Variants in NSFL1C observed in about 807,000 individuals in gnomAD.
NSFL1C encodes NSFL1 cofactor.
NSFL1C carries 14 observed loss-of-function variants against 43.1 expected under a neutral mutation model. The observed-to-expected ratio is 0.32, with a 90% CI of 0.21 to 0.51. The LOEUF is 0.51. Among genes scored for constraint, NSFL1C ranks in the 20% least tolerant of loss-of-function variants. The pLI is 0.98. For missense variants in NSFL1C, 406 were observed against 472.5 expected (o/e 0.86, Z 1.30); for synonymous variants, 171 against 183.5 (o/e 0.93, Z 0.55).
intron 3 of NSFL1C, chr20:1,457,879 A>G: frequency 3.9e-6 from 1 of 257,078 alleles, no homozygotes. Context: ...GAGCACCGCA[A>G]TGAGCACGGG....
At chr20:1,455,710 C>A (rs765938109) in intron 3 of NSFL1C, 7 of 779,702 alleles carry the variant, frequency 9.0e-6, no homozygotes, top group Non-Finnish European at 1.7e-5. Flanking sequence ...CATGCCCTAC[C>A]TACCTGCTCC....
intron 7 of NSFL1C, among the ~76,000 whole-genome samples, chr20:1,447,428 T>C (rs969249435): frequency 6.0e-5 from 9 of 151,186 alleles, no homozygotes; most frequent in African/African-American, 2.2e-4. Flanking sequence ...GTTATGAGTT[T>C]TTTTTTTTTT....
At chr20:1,443,990 G>C in intron 8 of NSFL1C, 79 bp from the exon 9 acceptor site, 4 of 1,423,416 alleles carry the variant, frequency 2.8e-6, no homozygotes, top group Non-Finnish European at 3.8e-6. Context: ...TAAACACCTC[G>C]CAAATCCCCT....
intron 4 of NSFL1C, among the ~76,000 whole-genome samples, chr20:1,454,527 T>C (rs942803556): frequency 6.6e-6 from 1 of 152,220 alleles, no homozygotes; most frequent in Non-Finnish European, 1.5e-5. Flanking sequence ...GGTTAAGAGC[T>C]GGAAGGGGCA....
intron 3 of NSFL1C, among the ~76,000 whole-genome samples, chr20:1,457,597 T>C (rs976612592): frequency 2.0e-5 from 3 of 152,230 alleles, no homozygotes; most frequent in Non-Finnish European, 4.4e-5. Context: ...ATCTCCCCAT[T>C]ATGCCCTCAC....
chr20:1,443,940 T>G, intron 8 of NSFL1C, 29 bp from the exon 9 acceptor site: 11 of 1,594,974 alleles, frequency 6.9e-6, no homozygotes, highest in Non-Finnish European at 9.4e-6. Flanking sequence ...CGGTGAGCAG[T>G]GCCATCCTCT....
chr20:1,448,304 C>T (rs1202705383), intron 7 of NSFL1C, among the ~76,000 whole-genome samples: 1 of 152,208 alleles, frequency 6.6e-6, no homozygotes, highest in Non-Finnish European at 1.5e-5. Flanking sequence ...TCTGCTCTGC[C>T]TCTAAACAGA....
At chr20:1,445,858 C>T in intron 7 of NSFL1C, 28 bp from the exon 8 acceptor site, 3 of 1,608,558 alleles carry the variant, frequency 1.9e-6, no homozygotes, top group Non-Finnish European at 2.5e-6. Context: ...CATCAGAACA[C>T]AAGCAGAAAC....
At chr20:1,466,680 G>T in intron 1 of NSFL1C, 40 bp downstream of exon 1, 1 of 1,516,632 alleles carries the variant, frequency 6.6e-7, no homozygotes, top group Non-Finnish European at 8.8e-7. Context: ...GCTCCCAGCA[G>T]TCCCCGGCCC....
At chr20:1,456,178 A>G in intron 3 of NSFL1C, 1 of 182,434 alleles carries the variant, frequency 5.5e-6, no homozygotes, top group Non-Finnish European at 1.2e-5. Context: ...CGACAAGGAC[A>G]ACAGTACCAG....
At chr20:1,454,621 A>T (rs1265037521) in intron 4 of NSFL1C, among the ~76,000 whole-genome samples, 3 of 152,258 alleles carry the variant, frequency 2.0e-5, no homozygotes, top group African/African-American at 7.2e-5. Context: ...AATATCAAAG[A>T]CTTTTTGATT....
intron 2 of NSFL1C, among the ~76,000 whole-genome samples, chr20:1,462,582 C>T (rs113939624): frequency 2.1e-4 from 31 of 151,058 alleles, no homozygotes; most frequent in Non-Finnish European, 3.1e-4. Flanking sequence ...AGTGCAGTGG[C>T]GCAATCTCGA....
intron 7 of NSFL1C, among the ~76,000 whole-genome samples, chr20:1,448,123 A>G (rs763141687): frequency 6.6e-6 from 1 of 152,250 alleles, no homozygotes; most frequent in Non-Finnish European, 1.5e-5. Context: ...TCAGCAAGTT[A>G]CTGAGCATCT....
chr20:1,458,398 T>C (rs1825846734), intron 2 of NSFL1C, 124 bp from the exon 3 acceptor site: 1 of 716,732 alleles, frequency 1.4e-6, no homozygotes, highest in Non-Finnish European at 2.5e-6. Flanking sequence ...GAGGACGTTA[T>C]GTGGAGAAAG....
intron 8 of NSFL1C, 88 bp downstream of exon 8, chr20:1,445,578 G>T: frequency 6.9e-7 from 1 of 1,453,820 alleles, no homozygotes; most frequent in East Asian, 2.3e-5. Context: ...TGGTATTTAG[G>T]AGGAAGAACG....
At chr20:1,466,622 G>A in intron 1 of NSFL1C, 98 bp downstream of exon 1, 1 of 1,163,842 alleles carries the variant, frequency 8.6e-7, no homozygotes, top group East Asian at 2.8e-5. Context: ...GGTAGAGCGG[G>A]GATGACTGTG....
chr20:1,447,653 A>G (rs891596477), intron 7 of NSFL1C, among the ~76,000 whole-genome samples: 3 of 152,222 alleles, frequency 2.0e-5, no homozygotes, highest in African/African-American at 7.2e-5. Flanking sequence ...ATAATAATTC[A>G]AAGTATACGT....
intron 8 of NSFL1C, among the ~76,000 whole-genome samples, chr20:1,444,420 G>A (rs765254730): frequency 6.6e-6 from 1 of 152,186 alleles, no homozygotes; most frequent in African/African-American, 2.4e-5. Context: ...GACAGTGTGT[G>A]TCTCTTTTGT....
At position 1,466,629 on chromosome 20, in the gene NSFL1C, T is replaced by C. The variant is rs545356646; in HGVS notation, c.105+91A>G. On this transcript the variant is annotated intron_variant, in intron 1 of 8. Transcript: ENST00000216879. ...CGGGCCGCGGTAGAGCGGGGATGAC[T>C]GTGCGCTTCGGCCGCCGCGGGCTTA... The C allele has an allele frequency of 4.0e-6, 5 of 1,246,032 alleles. No homozygotes were observed. In the East Asian group the frequency reaches 8.3e-5, roughly 21 times the overall value. The allele number at this position is 1,246,032 out of a possible 1,614,324, so 77.2% of individuals were successfully genotyped here.
Sources: allele counts gnomAD v4.1 joint callset (sites outside exome capture counted in the v4.1 genomes callset), GRCh38; gene constraint gnomAD v4.1.1; transcripts MANE v1.5; gene names NCBI Gene and HGNC (gene_info 2026-07-23, HGNC 2026-07-21).